Variants in CCDC171 observed in about 807,000 individuals in gnomAD.
CCDC171 encodes coiled-coil domain-containing protein 171.
In CCDC171, 177 loss-of-function variants were observed where a neutral mutation model predicts 168.2. The observed-to-expected ratio is 1.05, with a 90% CI of 0.93 to 1.19. The LOEUF (loss-of-function observed/expected upper bound fraction) is 1.19, where lower values mean the gene tolerates loss of function less well. Among genes scored for constraint, CCDC171 ranks in the 50% most tolerant of loss-of-function variants. The pLI, the probability that CCDC171 is intolerant of heterozygous loss-of-function variation, is 0.00. For synonymous variants in CCDC171, 687 were observed against 540.8 expected (o/e 1.27, Z -3.75); for missense variants, 1,991 against 1,539.0 (o/e 1.29, Z -4.91).
the CCDC171 span, among the ~76,000 whole-genome samples, chr9:16,081,866 A>AC: frequency 6.6e-6 from 1 of 151,812 alleles, no homozygotes. Flanking sequence ...AAAAAAAAAA[A>AC]CCCAGGACAG....
At chr9:15,689,967 C>T (rs1200149191) in intron 10 of CCDC171, among the ~76,000 whole-genome samples, 1 of 152,028 alleles carries the variant, frequency 6.6e-6, no homozygotes, top group Non-Finnish European at 1.5e-5. Context: ...TAATATTTTT[C>T]AACAAATGGT....
chr9:15,639,453 C>T (rs922693155), intron 7 of CCDC171, among the ~76,000 whole-genome samples: 2 of 151,860 alleles, frequency 1.3e-5, no homozygotes, highest in Non-Finnish European at 2.9e-5. Context: ...AATTTGCGAC[C>T]ACAAATTCTG....
At chr9:15,945,553 CT>C (rs1265357605) in intron 25 of CCDC171, among the ~76,000 whole-genome samples, 10 of 138,942 alleles carry the variant, frequency 7.2e-5, no homozygotes, top group African/African-American at 2.0e-4. Context: ...TGTTTCCTGA[CT>C]TTTTAATGAT....
intron 1 of CCDC171, among the ~76,000 whole-genome samples, chr9:16,058,899 A>G (rs1352911515): frequency 1.3e-5 from 2 of 152,218 alleles, no homozygotes; most frequent in Non-Finnish European, 2.9e-5. Context: ...CTTTTTGTTC[A>G]GGTTGTAGAC....
At chr9:16,026,161 C>G (rs1833271433) in intron 6 of CCDC171, among the ~76,000 whole-genome samples, 1 of 152,132 alleles carries the variant, frequency 6.6e-6, no homozygotes, top group African/African-American at 2.4e-5. Flanking sequence ...CATCTCACCC[C>G]TCACAGAGGA....
chr9:15,907,896 A>G (rs1168026435), intron 24 of CCDC171, among the ~76,000 whole-genome samples: 5 of 152,274 alleles, frequency 3.3e-5, no homozygotes, highest in South Asian at 4.1e-4. Flanking sequence ...CAACAGACAC[A>G]TGAAAAAATG....
At chr9:15,971,068 C>T (rs1327405684) in intron 25 of CCDC171, among the ~76,000 whole-genome samples, 1 of 152,030 alleles carries the variant, frequency 6.6e-6, no homozygotes, top group Non-Finnish European at 1.5e-5. Flanking sequence ...AAAGAGTTCT[C>T]ATTAGAATTT....
intron 23 of CCDC171, among the ~76,000 whole-genome samples, chr9:15,871,857 TG>T (rs1372735986): frequency 1.3e-5 from 2 of 152,008 alleles, no homozygotes; most frequent in African/African-American, 4.8e-5. Flanking sequence ...TATTTTTGCT[TG>T]TCTTAGTGTC....
chr9:15,554,697 T>G (rs2038643861), intron 1 of CCDC171, among the ~76,000 whole-genome samples: 1 of 152,222 alleles, frequency 6.6e-6, no homozygotes, highest in Non-Finnish European at 1.5e-5. Context: ...TATGTACCTA[T>G]GCTGAGAAAC....
At chr9:16,025,125 C>G (rs556242941) in intron 6 of CCDC171, among the ~76,000 whole-genome samples, 1 of 152,184 alleles carries the variant, frequency 6.6e-6, no homozygotes, top group Non-Finnish European at 1.5e-5. Context: ...CCCCAAATAA[C>G]TGAAAATATA....
chr9:15,990,674 G>A (rs1330249528), intron 3 of CCDC171, among the ~76,000 whole-genome samples: 1 of 152,120 alleles, frequency 6.6e-6, no homozygotes, highest in African/African-American at 2.4e-5. Flanking sequence ...CTGTATTCAG[G>A]ACACCCATCT....
At chr9:15,831,679 T>C (rs899716820) in intron 21 of CCDC171, among the ~76,000 whole-genome samples, 2 of 152,180 alleles carry the variant, frequency 1.3e-5, no homozygotes, top group Non-Finnish European at 2.9e-5. Flanking sequence ...TAACTTGTCT[T>C]TAGGTTTTCT....
At chr9:16,104,168 G>C in the CCDC171 span, among the ~76,000 whole-genome samples, 1 of 151,752 alleles carries the variant, frequency 6.6e-6, no homozygotes, top group Admixed American at 6.6e-5. Flanking sequence ...CTTCTTACAA[G>C]CCTCCCACTT....
intron 3 of CCDC171, among the ~76,000 whole-genome samples, chr9:15,986,432 G>A (rs1343593327): frequency 6.6e-6 from 1 of 152,206 alleles, no homozygotes; most frequent in East Asian, 1.9e-4. Flanking sequence ...TCTCTTTCCA[G>A]CTGATCCCCG....
Position 15,739,082 on chromosome 9 carries a change from A to C in CCDC171, c.2050-5191A>C, listed in dbSNP as rs140645294. On this transcript the variant is annotated intron_variant, in intron 16 of 25. Transcript: ENST00000380701. ...AGAGTAGATATACACACATGAAATAAATAAGTAGTGTAGAAGTTAAATGCC... is the reference window on the plus strand; with the variant it reads ...AGAGTAGATATACACACATGAAATACATAAGTAGTGTAGAAGTTAAATGCC... Among the ~76,000 whole-genome samples, 811 of 152,328 alleles carry C rather than the reference A, an allele frequency of 5.3e-3. 2 individuals are homozygous for C. Among genetic ancestry groups the C allele is most frequent in the Non-Finnish European group, 8.5e-3 (575 of 68,018 alleles).
rs568748150 is a variant in CCDC171 at position 15,652,532 on chromosome 9, G to A, written c.823-4595G>A. ...TGTAACCTCTGCCTCCCAGGCTCAAGCCATTCTCTCACCTTAGCCTCCCTT... is the reference window on the plus strand; with the variant it reads ...TGTAACCTCTGCCTCCCAGGCTCAAACCATTCTCTCACCTTAGCCTCCCTT... On this transcript the variant is annotated intron_variant, in intron 7 of 25. Transcript: ENST00000380701. Among the ~76,000 whole-genome samples the A allele has an allele frequency of 6.1e-4, 92 of 151,782 alleles. 1 individual carries two copies. The highest frequency in any genetic ancestry group is 6.8e-3 in the Middle Eastern group (2 of 294).
rs151320120 is a variant in CCDC171 at position 15,682,811 on chromosome 9, T to C, written c.1215+3915T>C. 6.7e-3 allele frequency among the ~76,000 whole-genome samples: 1,015 copies of C among 152,090 alleles called. 10 individuals are homozygous for C. Among genetic ancestry groups the C allele is most frequent in the Admixed American group, 0.043 (656 of 15,270 alleles). On this transcript the variant is annotated intron_variant, in intron 10 of 25. Coordinates refer to ENST00000380701, the MANE Select transcript of CCDC171 (RefSeq NM_173550.4). ...AGAATTTGACTATAAAAAGTTTTGA[T>C]TGGAAATTGAGCTTTTAGTTTCAAA...
chr9:16,037,363 G>A (rs1833490742), intron 8 of CCDC171, among the ~76,000 whole-genome samples: 1 of 152,172 alleles, frequency 6.6e-6, no homozygotes, highest in African/African-American at 2.4e-5. Context: ...AAACTCTCCT[G>A]GTTGTGAGGT....
intron 3 of CCDC171, among the ~76,000 whole-genome samples, chr9:16,013,744 T>C (rs1402878649): frequency 6.6e-6 from 1 of 152,254 alleles, no homozygotes; most frequent in African/African-American, 2.4e-5. Context: ...TCCCAGTGCA[T>C]ATAAAAGCTA....
Sources: gnomAD v4.1 joint callset for allele counts (sites outside exome capture counted in the v4.1 genomes callset) on GRCh38, gnomAD v4.1.1 for gene constraint, MANE v1.5 for transcripts, NCBI Gene and HGNC (gene_info 2026-07-23, HGNC 2026-07-21) for gene names.